NCAM2: variants seen among roughly 807,000 people sequenced by gnomAD.
The protein encoded by NCAM2 is neural cell adhesion molecule 2, also known as N-CAM-2.
In NCAM2, 30 loss-of-function variants were observed where a neutral mutation model predicts 98.1. That is an observed-to-expected ratio of 0.31 (90% confidence interval 0.23 to 0.41). The LOEUF (loss-of-function observed/expected upper bound fraction) is 0.41. Among genes scored for constraint, NCAM2 ranks in the 10% least tolerant of loss-of-function variants. The probability of loss-of-function intolerance (pLI) is 1.00; values close to 1 mark genes in which losing one functional copy is unlikely to be tolerated. For synonymous variants in NCAM2, 368 were observed against 342.4 expected (o/e 1.07, Z -0.83); for missense variants, 867 against 1,005.8 (o/e 0.86, Z 1.87).
chr21:21,021,026 G>A (rs150848688), intron 1 of NCAM2, among the ~76,000 whole-genome samples: 151 of 152,202 alleles, frequency 9.9e-4, no homozygotes, highest in African/African-American at 3.0e-3. Flanking sequence ...TGTCTCCTGG[G>A]TCCCACAGAG....
intron 8 of NCAM2, among the ~76,000 whole-genome samples, chr21:21,343,073 A>C (rs1375671423): frequency 6.6e-6 from 1 of 152,216 alleles, no homozygotes; most frequent in African/African-American, 2.4e-5. Flanking sequence ...TTGAAAAGTC[A>C]GAAGAAGCTT....
chr21:21,170,939 T>G (rs773456603), intron 1 of NCAM2, among the ~76,000 whole-genome samples: 68 of 124,512 alleles, frequency 5.5e-4, no homozygotes, highest in Non-Finnish European at 1.1e-3. Flanking sequence ...AAATCACATT[T>G]ATTGATTGCT....
Position 21,345,093 on chromosome 21 carries a change from T to C in NCAM2, c.1044+6559T>C, listed in dbSNP as rs181722115. Among the ~76,000 whole-genome samples the C allele has an allele frequency of 3.1e-4, 47 of 152,140 alleles. No homozygotes were observed. In the East Asian group the frequency reaches 5.4e-3, roughly 18 times the overall value. The stretch of plus-strand genomic sequence containing the variant: ...GGGCTTTGGGTCCCTCTAAAGCAAA[T>C]ACAACTTAGATCACAATACCCAAGG... On this transcript the variant is annotated intron_variant, in intron 8 of 17. Coordinates refer to ENST00000400546, the MANE Select transcript of NCAM2 (RefSeq NM_004540.5).
intron 14 of NCAM2, among the ~76,000 whole-genome samples, chr21:21,469,158 C>T (rs975712003): frequency 4.5e-4 from 69 of 151,970 alleles, no homozygotes; most frequent in African/African-American, 1.4e-3. Context: ...AGAAAAATCA[C>T]ACCTCAAAAC....
At chr21:21,055,319 T>C (rs747385136) in intron 1 of NCAM2, among the ~76,000 whole-genome samples, 86 of 151,952 alleles carry the variant, frequency 5.7e-4, no homozygotes, top group Non-Finnish European at 1.0e-3. Flanking sequence ...TATGTGTCTG[T>C]GTGATTATGC....
chr21:21,200,801 G>A (rs1015480876), intron 1 of NCAM2, among the ~76,000 whole-genome samples: 2 of 124,726 alleles, frequency 1.6e-5, no homozygotes, highest in South Asian at 2.5e-4. Context: ...AAGCATTTTG[G>A]TTCCATCTTT....
intron 1 of NCAM2, chr21:21,223,704 C>T (rs1021800802): frequency 1.3e-5 from 2 of 152,076 alleles, no homozygotes; most frequent in African/African-American, 2.4e-5. Context: ...AGCAGCCTTG[C>T]TCTGAAAGTT....
intron 16 of NCAM2, among the ~76,000 whole-genome samples, 191 bp from the exon 17 acceptor site, chr21:21,534,346 C>CT (rs1414898110): frequency 6.6e-6 from 1 of 151,520 alleles, no homozygotes; most frequent in African/African-American, 2.4e-5. Context: ...GAATTTCTTC[C>CT]TTTTTTTCTG....
intron 12 of NCAM2, among the ~76,000 whole-genome samples, chr21:21,454,946 A>G (rs1276581978): frequency 6.6e-6 from 1 of 151,980 alleles, no homozygotes; most frequent in Non-Finnish European, 1.5e-5. Context: ...TTGCATTCTC[A>G]TAGCCTTAAT....
intron 1 of NCAM2, among the ~76,000 whole-genome samples, chr21:21,233,193 A>G (rs1293869448): frequency 6.6e-6 from 1 of 151,428 alleles, no homozygotes; most frequent in Non-Finnish European, 1.5e-5. Flanking sequence ...TTTTGCTTTT[A>G]GTTCTACCTC....
intron 1 of NCAM2, among the ~76,000 whole-genome samples, chr21:21,025,364 C>A (rs906471886): frequency 6.6e-6 from 1 of 152,132 alleles, no homozygotes; most frequent in Non-Finnish European, 1.5e-5. Context: ...GGATTACAGG[C>A]GAGAGCCACT....
At chr21:21,231,583 G>C (rs1166719023) in intron 1 of NCAM2, among the ~76,000 whole-genome samples, 1 of 151,266 alleles carries the variant, frequency 6.6e-6, no homozygotes, top group Non-Finnish European at 1.5e-5. Context: ...ATAATTGTTA[G>C]AAATTTTTAA....
intron 16 of NCAM2, among the ~76,000 whole-genome samples, chr21:21,527,939 G>T (rs528920316): frequency 6.6e-6 from 1 of 152,332 alleles, no homozygotes; most frequent in African/African-American, 2.4e-5. Flanking sequence ...AAACTTGGAA[G>T]CAATTAAAAC....
At chr21:21,263,492 CA>C (rs1220274673) in intron 1 of NCAM2, among the ~76,000 whole-genome samples, 5 of 151,782 alleles carry the variant, frequency 3.3e-5, no homozygotes, top group Non-Finnish European at 4.4e-5. Flanking sequence ...CCCAATTGTT[CA>C]AAAAATTTTT....
At position 21,265,417 on chromosome 21, in the gene NCAM2, T is replaced by A. The variant is rs1469440940; in HGVS notation, c.56-15161T>A. On this transcript the variant is annotated intron_variant, in intron 1 of 17. Coordinates refer to ENST00000400546, the MANE Select transcript of NCAM2 (RefSeq NM_004540.5). ...ACCATATATTATATATGTGTATATA[T>A]AATATATGTGTGTATATATATTATA... Among the ~76,000 whole-genome samples the A allele has an allele frequency of 2.9e-5, 3 of 104,182 alleles. 1 individual carries two copies. The highest frequency in any genetic ancestry group is 1.2e-4 in the African/African-American group (3 of 25,186). 68.3% of individuals were successfully genotyped at this position (104,182 alleles called of 152,430 possible).
intron 1 of NCAM2, among the ~76,000 whole-genome samples, chr21:21,114,452 G>T (rs928004094): frequency 2.0e-5 from 3 of 152,184 alleles, no homozygotes; most frequent in African/African-American, 7.2e-5. Context: ...TGGGAATTAT[G>T]TACTAATAGA....
At chr21:21,508,456 C>G (rs1236241657) in intron 15 of NCAM2, among the ~76,000 whole-genome samples, 1 of 151,904 alleles carries the variant, frequency 6.6e-6, no homozygotes, top group East Asian at 1.9e-4. Flanking sequence ...TTTCTTTTAA[C>G]ATTATGATCT....
chr21:21,078,894 A>G (rs1318381621), intron 1 of NCAM2, among the ~76,000 whole-genome samples: 2 of 152,310 alleles, frequency 1.3e-5, no homozygotes, highest in East Asian at 3.9e-4. Flanking sequence ...AGGGATATGG[A>G]TGAAGCTGGA....
intron 8 of NCAM2, among the ~76,000 whole-genome samples, chr21:21,371,568 A>G (rs1602136256): frequency 6.6e-6 from 1 of 151,554 alleles, no homozygotes; most frequent in Middle Eastern, 3.4e-3. Flanking sequence ...TATCTTTCTT[A>G]TGTCCTCTTA....
Sources: allele counts gnomAD v4.1 joint callset (sites outside exome capture counted in the v4.1 genomes callset), GRCh38; gene constraint gnomAD v4.1.1; transcripts MANE v1.5; gene names NCBI Gene and HGNC (gene_info 2026-07-23, HGNC 2026-07-21).